Variants in PTK6 observed in about 807,000 individuals in gnomAD.
PTK6 encodes protein-tyrosine kinase 6.
In PTK6, 47 loss-of-function variants were observed where a neutral mutation model predicts 47.5. That is an observed-to-expected ratio of 0.99 (90% CI 0.78 to 1.26). The LOEUF is 1.26. PTK6 is among the 50% of genes most tolerant of loss of function. PTK6 has a pLI of 0.00. For missense variants in PTK6, 618 were observed against 625.3 expected, an observed-to-expected ratio of 0.99 and a Z score of 0.12; for synonymous variants, 287 against 276.5, an observed-to-expected ratio of 1.04 and a Z score of -0.38.
In PTK6 at chr20:63,530,717, A is replaced by C; in HGVS notation, c.1014+29T>G. The stretch of plus-strand genomic sequence containing the variant: ...GCCCTCCGGCCACGCCCCGGCCACG[A>C]CCCCAGCCACGCCCTCTGAGGGCCC... On this transcript the variant is annotated intron_variant, in intron 6 of 7. Coordinates refer to ENST00000542869, the MANE Select transcript of PTK6 (RefSeq NM_005975.4). The surrounding 1 kb of genome is among the most constrained non-coding windows in gnomAD (Gnocchi z 4.1). 2 of 1,608,974 alleles carry C rather than the reference A, an allele frequency of 1.2e-6. No homozygotes were observed. The highest frequency in any genetic ancestry group is 1.7e-5 in the Admixed American group (1 of 58,820).
chr20:63,533,451 G>A lies in PTK6; in HGVS notation c.670+100C>T. 3 of 1,378,354 alleles carry A rather than the reference G, an allele frequency of 2.2e-6. No homozygotes were observed. Among genetic ancestry groups the A allele is most frequent in the Non-Finnish European group, 2.9e-6 (3 of 1,024,308 alleles). 85.4% of individuals were successfully genotyped at this position (1,378,354 alleles called of 1,614,324 possible). ...CCACTCTCGCATGGACGCTGTGGGT[G>A]CTGCTTGGGGCTCGAGGCCAGAGGT... On this transcript the variant is annotated intron_variant, in intron 4 of 7. Transcript: ENST00000542869. The surrounding 1 kb of genome is among the most constrained non-coding windows in gnomAD (Gnocchi z 4.0).
intron 5 of PTK6, among the ~76,000 whole-genome samples, chr20:63,531,457 T>A (rs2082620184): frequency 8.8e-6 from 1 of 114,146 alleles, no homozygotes; most frequent in African/African-American, 3.8e-5. Context: ...TATATATATA[T>A]ATATATAATT....
intron 1 of PTK6, 119 bp from the exon 2 acceptor site, chr20:63,535,178 G>A: frequency 7.3e-7 from 1 of 1,365,248 alleles, no homozygotes; most frequent in South Asian, 1.5e-5. Flanking sequence ...CAAGCTCCCA[G>A]CCCTGACCAC....
Position 63,529,509 on chromosome 20 carries a change from G to C in PTK6, c.*27C>G. On this transcript the variant is annotated 3_prime_UTR_variant, in exon 8 of 8. Coordinates refer to ENST00000542869, the MANE Select transcript of PTK6 (RefSeq NM_005975.4). This position sits in a 1 kb window ranked among gnomAD's most constrained non-coding sequence, Gnocchi z 5.6. ...TCTGCCCAGGCCCCTCCTCAGCAGG[G>C]CCCGGCCATGCCCGCTCCACAGCAG... is the stretch of plus-strand genomic sequence containing the variant. 6.5e-7 allele frequency: 1 copy of C among 1,528,302 alleles called. No individual in the cohort carries two copies. Among genetic ancestry groups the C allele is most frequent in the Non-Finnish European group, 8.8e-7 (1 of 1,137,370 alleles). 94.7% of individuals were successfully genotyped at this position (1,528,302 alleles called of 1,614,324 possible). A position where few individuals can be genotyped will look rare whatever the true frequency, so the allele number is the denominator to read the frequency against.
intron 3 of PTK6, 82 bp downstream of exon 3, chr20:63,534,070 G>A (rs768726255): frequency 1.2e-5 from 18 of 1,451,360 alleles, no homozygotes; most frequent in Admixed American, 2.3e-5. Context: ...CATGCTGCCC[G>A]GCCAACCTCT....
At chr20:63,532,425 G>T in intron 5 of PTK6, 101 bp downstream of exon 5, 1 of 1,404,602 alleles carries the variant, frequency 7.1e-7, no homozygotes, top group Non-Finnish European at 9.7e-7. Context: ...GTGTCTGTGT[G>T]TCTACGTGTG....
In PTK6 at chr20:63,534,994, G is replaced by C. The variant is rs748018659; in HGVS notation, c.296C>G (p.Thr99Arg). Residue 99 changes from threonine (T) to arginine (R), a missense_variant, in exon 2 of 8, where the codon ACG becomes AGG. Coordinates refer to ENST00000542869, the MANE Select transcript of PTK6 (RefSeq NM_005975.4). ...GCTGACCCTGATCAGGAAGGCGCCC[G>C]TGGCGTTGCCCTCGGCCTGCAGCCG... is the stretch of plus-strand genomic sequence containing the variant. ...VRRLQAEGNATGAFLIRVSEK... is the reference protein window; with the variant it reads ...VRRLQAEGNARGAFLIRVSEK... The C allele has an allele frequency of 6.2e-7, 1 of 1,608,724 alleles. No homozygotes were observed. Among genetic ancestry groups the C allele is most frequent in the Non-Finnish European group, 8.5e-7 (1 of 1,177,746 alleles).
chr20:63,533,351 C>T lies in PTK6; in HGVS notation c.670+200G>A, dbSNP rs575644031. ...AAAGTGTGGGGATTACAGATGTGAG[C>T]CACCGTGCCCGGCCTAAAATTTTCT... is the stretch of plus-strand genomic sequence containing the variant. On this transcript the variant is annotated intron_variant, in intron 4 of 7. Coordinates refer to ENST00000542869, the MANE Select transcript of PTK6 (RefSeq NM_005975.4). The surrounding 1 kb of genome is among the most constrained non-coding windows in gnomAD (Gnocchi z 4.0). Among the ~76,000 whole-genome samples, 463 of 152,154 alleles carry T rather than the reference C, an allele frequency of 3.0e-3. 3 individuals are homozygous for T. Among genetic ancestry groups the T allele is most frequent in the African/African-American group, 0.011 (444 of 41,512 alleles).
Position 63,532,650 on chromosome 20 carries a change from G to T in PTK6, c.708C>A (p.Ile236=), listed in dbSNP as rs767489779. ...LLHQQMLQSE[I]QAMKKLRHKH... is the part of the protein sequence containing the mutation. ...TGTGCCGCAGCTTCTTCATGGCCTG[G>T]ATCTCCGACTGCAGCATCTGCTGGT... The change falls in exon 5 of 8, where the codon ATC becomes ATA. Residue 236 remains isoleucine, a synonymous_variant. Transcript: ENST00000542869. 29 of 1,614,004 alleles carry T rather than the reference G, an allele frequency of 1.8e-5. No individual in the cohort carries two copies. The highest frequency in any genetic ancestry group is 2.5e-5 in the Non-Finnish European group (29 of 1,180,014).
chr20:63,533,653 C>T lies in PTK6; in HGVS notation c.568G>A (p.Glu190Lys), dbSNP rs770161732. ...CCCAGCTTCCTGCAGAGCGTGAACT[C>T]CTCCCTCGGCCTCTCCCAGTCATCC... is the stretch of plus-strand genomic sequence containing the variant. ...HWDDWERPRE[E>K]FTLCRKLGSG... Residue 190 changes from glutamate to lysine, a missense_variant, in exon 4 of 8, where the codon GAG becomes AAG. Coordinates refer to ENST00000542869, the MANE Select transcript of PTK6 (RefSeq NM_005975.4). This position sits in a 1 kb window ranked among gnomAD's most constrained non-coding sequence, Gnocchi z 4.0. The T allele has an allele frequency of 6.2e-7, 1 of 1,613,644 alleles. No individual in the cohort carries two copies. The highest frequency in any genetic ancestry group is 8.5e-7 in the Non-Finnish European group (1 of 1,179,808).
rs2082595099 is a variant in PTK6 at position 63,528,781 on chromosome 20, T to C, written c.*755A>G. On this transcript the variant is annotated 3_prime_UTR_variant, in exon 8 of 8. Coordinates refer to ENST00000542869, the MANE Select transcript of PTK6 (RefSeq NM_005975.4). ...CAAAACCAATAAGCTTTTTATGACT[T>C]AACCATGGATGAAAGAGACACCTTC... is the stretch of plus-strand genomic sequence containing the variant. 6.6e-6 allele frequency: 1 copy of C among 152,112 alleles called. No individual in the cohort carries two copies. Among genetic ancestry groups the C allele is most frequent in the Non-Finnish European group, 1.5e-5 (1 of 68,042 alleles). The allele number at this position is 152,112 out of a possible 1,614,324, so 9.4% of individuals were successfully genotyped here.
intron 1 of PTK6, 110 bp downstream of exon 1, chr20:63,536,975 A>C (rs1313724069): frequency 9.4e-6 from 11 of 1,166,336 alleles, no homozygotes; most frequent in South Asian, 3.0e-5. Context: ...AGGAAGATGG[A>C]ACCGGGGTCC....
chr20:63,530,206 T>C lies in PTK6; in HGVS notation c.1040A>G (p.His347Arg). The C allele has an allele frequency of 1.9e-6, 3 of 1,613,900 alleles. No homozygotes were observed. The highest frequency in any genetic ancestry group is 2.5e-6 in the Non-Finnish European group (3 of 1,179,938). ...IKEDVYLSHD[H>R]NIPYKWTAPE... is the part of the protein sequence containing the mutation. ...GGCCGTCCACTTGTAGGGGATATTG[T>C]GGTCATGGGAGAGGTAGACGTCCTC... The change falls in exon 7 of 8, where the codon CAC becomes CGC. Residue 347 changes from histidine (H) to arginine (R), a missense_variant. Coordinates refer to ENST00000542869, the MANE Select transcript of PTK6 (RefSeq NM_005975.4). The surrounding 1 kb of genome is among the most constrained non-coding windows in gnomAD (Gnocchi z 4.1).
Position 63,533,107 on chromosome 20 carries a change from G to A in PTK6, c.671-420C>T, listed in dbSNP as rs1315778668. The stretch of plus-strand genomic sequence containing the variant: ...TCCCAAGACGGGGTCTTGCTCTGTC[G>A]CCCAGGCTGGAGTGCAATGGCGCGA... On this transcript the variant is annotated intron_variant, in intron 4 of 7. Transcript: ENST00000542869. The surrounding 1 kb of genome is among the most constrained non-coding windows in gnomAD (Gnocchi z 4.0). Among the ~76,000 whole-genome samples, 6 of 149,146 alleles carry A rather than the reference G, an allele frequency of 4.0e-5. No individual in the cohort carries two copies. The highest frequency in any genetic ancestry group is 8.9e-5 in the Non-Finnish European group (6 of 67,614).
Position 63,530,708 on chromosome 20 carries a change from C to T in PTK6, c.1014+38G>A, listed in dbSNP as rs1412687393. On this transcript the variant is annotated intron_variant, in intron 6 of 7. Transcript: ENST00000542869. This position sits in a 1 kb window ranked among gnomAD's most constrained non-coding sequence, Gnocchi z 4.1. ...AAGCCCCCAGCCCTCCGGCCACGCC[C>T]CGGCCACGACCCCAGCCACGCCCTC... The T allele has an allele frequency of 3.7e-6, 6 of 1,605,082 alleles. No homozygotes were observed. In the African/African-American group the frequency reaches 5.4e-5, roughly 14 times the overall value.
Position 63,537,239 on chromosome 20 carries a change from C to T in PTK6, c.76G>A (p.Glu26Lys), listed in dbSNP as rs1028504421. ...ACGTCCCCCGCGCGGAAGCTCAGCT[C>T]CTCGTCCGTCCGGGACTTGAAGTCC... ...LWDFKSRTDE[E>K]LSFRAGDVFH... Residue 26 changes from glutamate (E) to lysine (K), a missense_variant, in exon 1 of 8, where the codon GAG becomes AAG. By Grantham distance (56) the Glu-to-Lys change is moderately conservative. Transcript: ENST00000542869. 1 of 1,612,420 alleles carries T rather than the reference C, an allele frequency of 6.2e-7. No homozygotes were observed. The highest frequency in any genetic ancestry group is 8.5e-7 in the Non-Finnish European group (1 of 1,179,822).
intron 1 of PTK6, among the ~76,000 whole-genome samples, chr20:63,536,265 C>T (rs1256038044): frequency 2.2e-5 from 3 of 135,148 alleles, no homozygotes; most frequent in Non-Finnish European, 4.7e-5. Flanking sequence ...GACCAGCCTC[C>T]GGCCAGACCC....
chr20:63,531,298 G>A (rs2082617506), intron 5 of PTK6, among the ~76,000 whole-genome samples: 1 of 151,024 alleles, frequency 6.6e-6, no homozygotes, highest in Admixed American at 6.6e-5. Context: ...GCGGGCGCCT[G>A]TAGTCCCAGC....
In PTK6 at chr20:63,529,023, TC is replaced by T; in HGVS notation, c.*512del. 6.6e-6 allele frequency: 1 copy of T among 152,436 alleles called. No individual in the cohort carries two copies. Among genetic ancestry groups the T allele is most frequent in the South Asian group, 2.1e-4 (1 of 4,840 alleles). The allele number at this position is 152,436 out of a possible 1,614,324, so 9.4% of individuals were successfully genotyped here. A position where few individuals can be genotyped will look rare whatever the true frequency, so the allele number is the denominator to read the frequency against. On this transcript the variant is annotated 3_prime_UTR_variant, in exon 8 of 8. Transcript: ENST00000542869. This position sits in a 1 kb window ranked among gnomAD's most constrained non-coding sequence, Gnocchi z 5.6. ...CTGGCAGAGACCAGGGAGAGAGTTC[TC>T]ACTGGTCATAAGGCCAAGCTCTCAA...
Sources: gnomAD v4.1 joint callset for allele counts (sites outside exome capture counted in the v4.1 genomes callset) on GRCh38, gnomAD v4.1.1 for gene constraint, Gnocchi (gnomAD v3.1) non-coding constraint, MANE v1.5 for transcripts, NCBI Gene and HGNC (gene_info 2026-07-23, HGNC 2026-07-21) for gene names.